The following AUTS2 variants were observed in gnomAD, a reference collection of about 807,000 sequenced individuals.
AUTS2 encodes the protein activator of transcription and developmental regulator AUTS2, also known as autism susceptibility gene 2 protein.
Under a neutral mutation model 112.4 loss-of-function variants are expected in AUTS2, and 17 were observed. The ratio of observed to expected loss-of-function variants is 0.15; its 90% CI spans 0.10 to 0.23. The LOEUF (loss-of-function observed/expected upper bound fraction) is 0.23. AUTS2 is among the 10% of genes least tolerant of loss of function. The probability of loss-of-function intolerance (pLI) is 1.00; values close to 1 mark genes in which losing one functional copy is unlikely to be tolerated. For missense variants in AUTS2, 1,510 were observed against 1,701.6 expected (o/e 0.89, Z 1.98); for synonymous variants, 751 against 702.7 (o/e 1.07, Z -1.09).
chr7:69,740,492 C>G (rs562565272), intron 1 of AUTS2, among the ~76,000 whole-genome samples: 1 of 151,662 alleles, frequency 6.6e-6, no homozygotes, highest in Non-Finnish European at 1.5e-5. Flanking sequence ...ATTAAAGATT[C>G]TTGACAAAAA....
intron 4 of AUTS2, among the ~76,000 whole-genome samples, chr7:70,383,396 C>T (rs1042709199): frequency 6.6e-6 from 1 of 152,092 alleles, no homozygotes; most frequent in Non-Finnish European, 1.5e-5. Context: ...AAATTTTAGC[C>T]TTTAAAAAAA....
At chr7:69,921,504 A>T (rs923357213) in intron 2 of AUTS2, among the ~76,000 whole-genome samples, 1 of 152,118 alleles carries the variant, frequency 6.6e-6, no homozygotes, top group Non-Finnish European at 1.5e-5. Context: ...ATGGTGGCTC[A>T]CGCCTGTAAT....
intron 5 of AUTS2, among the ~76,000 whole-genome samples, chr7:70,469,088 A>G (rs1797277528): frequency 6.6e-6 from 1 of 152,258 alleles, no homozygotes; most frequent in South Asian, 2.1e-4. Flanking sequence ...TGGCCAAGTC[A>G]GAATTTGAAA....
intron 4 of AUTS2, among the ~76,000 whole-genome samples, chr7:70,179,703 G>T (rs1333389203): frequency 6.6e-6 from 1 of 152,310 alleles, no homozygotes; most frequent in South Asian, 2.1e-4. Flanking sequence ...TCTAAGGTTA[G>T]TATAAATTTT....
At chr7:69,914,336 GACACAGACACACAC>G (rs1194204422) in intron 2 of AUTS2, among the ~76,000 whole-genome samples, 2 of 100,274 alleles carry the variant, frequency 2.0e-5, no homozygotes, top group Non-Finnish European at 4.2e-5. Context: ...CACACACACA[GACACAGACACACAC>G]ACACAGACAC....
Position 70,596,540 on chromosome 7 carries a change from G to C in AUTS2, c.691-102029G>C, listed in dbSNP as rs764805782. 2.6e-5 allele frequency: 4 copies of C among 152,376 alleles called. No homozygotes were observed. The Middle Eastern group carries it at 0.01, about 389-fold the overall frequency. 9.4% of individuals were successfully genotyped at this position (152,376 alleles called of 1,614,324 possible). On this transcript the variant is annotated intron_variant, in intron 5 of 18. Transcript: ENST00000342771. ...CCCCTGACGTGGACGTACACCTCAA[G>C]ACCTAAAATGCGCCCTGCCTGGAGA...
At chr7:70,633,700 G>A (rs192959337) in intron 5 of AUTS2, among the ~76,000 whole-genome samples, 1 of 151,822 alleles carries the variant, frequency 6.6e-6, no homozygotes, top group Non-Finnish European at 1.5e-5. Context: ...CTTGTATATA[G>A]GATATTTGAG....
chr7:70,419,530 G>T (rs1795127250), intron 4 of AUTS2, among the ~76,000 whole-genome samples: 1 of 152,264 alleles, frequency 6.6e-6, no homozygotes, highest in Non-Finnish European at 1.5e-5. Context: ...TGTGCTGACA[G>T]TAGCCATATA....
chr7:69,930,857 T>A (rs528703637), intron 2 of AUTS2, among the ~76,000 whole-genome samples: 1 of 152,166 alleles, frequency 6.6e-6, no homozygotes, highest in South Asian at 2.1e-4. Context: ...AATAGTAAAA[T>A]CATTGGAATG....
intron 1 of AUTS2, among the ~76,000 whole-genome samples, chr7:69,755,737 G>C (rs2129277490): frequency 6.6e-6 from 1 of 152,232 alleles, no homozygotes; most frequent in Admixed American, 6.5e-5. Context: ...GGGCAGAATA[G>C]GTCCTGAGAA....
chr7:70,333,580 G>A (rs1790855501), intron 4 of AUTS2, among the ~76,000 whole-genome samples: 1 of 152,136 alleles, frequency 6.6e-6, no homozygotes, highest in Non-Finnish European at 1.5e-5. Flanking sequence ...ATGCTAGACT[G>A]GATAAAGAAA....
At chr7:69,773,419 T>C (rs1584225265) in intron 1 of AUTS2, among the ~76,000 whole-genome samples, 2 of 111,810 alleles carry the variant, frequency 1.8e-5, no homozygotes, top group Non-Finnish European at 3.5e-5. Context: ...TACACGGTGC[T>C]ACAAAACCTT....
intron 4 of AUTS2, among the ~76,000 whole-genome samples, chr7:70,149,940 T>C (rs1348690665): frequency 6.6e-6 from 1 of 152,002 alleles, no homozygotes; most frequent in Non-Finnish European, 1.5e-5. Context: ...TGCTAGCTTA[T>C]TTGGCCAGGA....
intron 1 of AUTS2, among the ~76,000 whole-genome samples, chr7:69,638,625 T>TG (rs1348683157): frequency 6.6e-6 from 1 of 152,254 alleles, no homozygotes; most frequent in Non-Finnish European, 1.5e-5. Flanking sequence ...CTTGCATTTC[T>TG]TTTTTCCTTA....
At chr7:70,621,426 C>T (rs1003312502) in intron 5 of AUTS2, among the ~76,000 whole-genome samples, 6 of 152,254 alleles carry the variant, frequency 3.9e-5, no homozygotes, top group Admixed American at 3.3e-4. Context: ...AAATCCTCTC[C>T]TGAGTACTAA....
intron 5 of AUTS2, among the ~76,000 whole-genome samples, chr7:70,514,647 G>A (rs974318785): frequency 2.0e-5 from 3 of 152,196 alleles, no homozygotes; most frequent in Non-Finnish European, 2.9e-5. Flanking sequence ...TTCAACATGA[G>A]ATTTGGAGGG....
intron 4 of AUTS2, among the ~76,000 whole-genome samples, chr7:70,142,901 C>A (rs1376078191): frequency 6.6e-6 from 1 of 152,082 alleles, no homozygotes; most frequent in Non-Finnish European, 1.5e-5. Context: ...TAAAATGACC[C>A]ACAGGCAATG....
intron 4 of AUTS2, among the ~76,000 whole-genome samples, chr7:70,271,377 T>C (rs1017702261): frequency 2.0e-5 from 3 of 152,112 alleles, no homozygotes; most frequent in Non-Finnish European, 4.4e-5. Context: ...ATCAATAGAA[T>C]TGCTTGTCTT....
intron 1 of AUTS2, among the ~76,000 whole-genome samples, chr7:69,625,118 A>G (rs1194110950): frequency 6.6e-6 from 1 of 152,164 alleles, no homozygotes; most frequent in Non-Finnish European, 1.5e-5. Flanking sequence ...AATGATTTAG[A>G]TTAGAAGATG....
Sources: allele counts gnomAD v4.1 joint callset (sites outside exome capture counted in the v4.1 genomes callset), GRCh38; gene constraint gnomAD v4.1.1; transcripts MANE v1.5; gene names NCBI Gene and HGNC (gene_info 2026-07-23, HGNC 2026-07-21).